SLC44A5: variants seen among roughly 807,000 people sequenced by gnomAD.
The protein encoded by SLC44A5 is choline transporter-like protein 5.
In SLC44A5, 57 loss-of-function variants were observed where a neutral mutation model predicts 101.8. The observed-to-expected ratio is 0.56, with a 90% CI of 0.45 to 0.70. The LOEUF is 0.70. SLC44A5 is among the 30% of genes least tolerant of loss of function. The pLI, the probability that SLC44A5 is intolerant of heterozygous loss-of-function variation, is 0.00. For synonymous variants in SLC44A5, 281 were observed against 290.9 expected, an observed-to-expected ratio of 0.97 and a Z score of 0.35; for missense variants, 737 against 853.1, an observed-to-expected ratio of 0.86 and a Z score of 1.70.
At chr1:75,396,787 C>A in intron 2 of SLC44A5, 166 bp from the exon 3 acceptor site, 1 of 584,250 alleles carries the variant, frequency 1.7e-6, no homozygotes, top group African/African-American at 1.9e-5. Context: ...ACAAAGCTGC[C>A]AATAATGAGC....
In SLC44A5 at chr1:75,526,780, C is replaced by T. The variant is rs7412848; in HGVS notation, c.13+14655G>A. Among the ~76,000 whole-genome samples, 8 of 152,102 alleles carry T rather than the reference C, an allele frequency of 5.3e-5. No homozygotes were observed. The East Asian group carries it at 5.8e-4, about 11-fold the overall frequency. ...CCCACAATTTTCAGAGTAAACAATG[C>T]GCATTCTTCCAAATCTCTACTTAAC... On this transcript the variant is annotated intron_variant, in intron 2 of 23. Coordinates refer to ENST00000370859, the MANE Select transcript of SLC44A5 (RefSeq NM_001130058.2).
chr1:75,523,246 G>T (rs960601188), intron 2 of SLC44A5, among the ~76,000 whole-genome samples: 1 of 152,130 alleles, frequency 6.6e-6, no homozygotes, highest in Non-Finnish European at 1.5e-5. Flanking sequence ...GTAGCATGTG[G>T]ATATGACTCT....
rs1465056144 is a variant in SLC44A5 at position 75,203,833 on chromosome 1, AC to A, written c.2048-1del. ...ACCATCATTTCTTTCTAAATCTTCC[AC>A]TAGGAGGAAGAATGGTACAGAGTAA... On this transcript the variant is annotated splice_acceptor_variant, in intron 23 of 23. Transcript: ENST00000370859. LOFTEE classifies it high-confidence loss of function. The A allele has an allele frequency of 3.2e-6, 5 of 1,548,042 alleles. No individual in the cohort carries two copies. The East Asian group carries it at 1.2e-4, about 38-fold the overall frequency.
intron 4 of SLC44A5, among the ~76,000 whole-genome samples, chr1:75,308,656 C>T (rs556242564): frequency 3.9e-5 from 6 of 152,304 alleles, no homozygotes; most frequent in African/African-American, 1.4e-4. Context: ...AGAGACCTAG[C>T]TCTAGATAGC....
intron 23 of SLC44A5, among the ~76,000 whole-genome samples, chr1:75,209,818 T>C (rs1392017592): frequency 6.6e-6 from 1 of 152,194 alleles, no homozygotes; most frequent in Non-Finnish European, 1.5e-5. Flanking sequence ...TGTTCAGTAA[T>C]GGCCTGTCAG....
At chr1:75,431,422 T>C (rs915828354) in intron 2 of SLC44A5, among the ~76,000 whole-genome samples, 23 of 152,188 alleles carry the variant, frequency 1.5e-4, no homozygotes, top group African/African-American at 5.5e-4. Context: ...ATTGATTGGG[T>C]TACACTACTT....
intron 6 of SLC44A5, among the ~76,000 whole-genome samples, chr1:75,257,862 G>A (rs1261530125): frequency 1.3e-5 from 2 of 152,114 alleles, no homozygotes; most frequent in Non-Finnish European, 2.9e-5. Flanking sequence ...GTACATCTCA[G>A]TGGGACTAGT....
At chr1:75,569,795 A>G (rs1180728432) in intron 1 of SLC44A5, among the ~76,000 whole-genome samples, 1 of 152,214 alleles carries the variant, frequency 6.6e-6, no homozygotes, top group African/African-American at 2.4e-5. Context: ...AATTTAACCC[A>G]TGGTATCTCC....
At chr1:75,392,418 A>G (rs1661852699) in intron 3 of SLC44A5, among the ~76,000 whole-genome samples, 1 of 152,226 alleles carries the variant, frequency 6.6e-6, no homozygotes, top group African/African-American at 2.4e-5. Context: ...CACATCATGC[A>G]TCATCAGAGA....
At chr1:75,543,929 G>A (rs933470209) in intron 1 of SLC44A5, among the ~76,000 whole-genome samples, 1 of 151,976 alleles carries the variant, frequency 6.6e-6, no homozygotes, top group Non-Finnish European at 1.5e-5. Context: ...TCAAGCCAAA[G>A]ATAACATCTT....
intron 3 of SLC44A5, among the ~76,000 whole-genome samples, chr1:75,378,984 A>G: frequency 1.2e-5 from 1 of 80,168 alleles, no homozygotes; most frequent in African/African-American, 8.6e-5. Flanking sequence ...CAGGGTAGTG[A>G]ATTACATGAA....
intron 2 of SLC44A5, among the ~76,000 whole-genome samples, chr1:75,414,891 A>C (rs1663538002): frequency 6.6e-6 from 1 of 152,352 alleles, no homozygotes. Context: ...CTTGTAGGCT[A>C]GAATTTTTAT....
chr1:75,335,403 TCCTC>T (rs71738581), intron 4 of SLC44A5, among the ~76,000 whole-genome samples: 1,599 of 152,294 alleles, frequency 0.01, 32 homozygotes, highest in African/African-American at 0.037. Context: ...ACCAGTTCAT[TCCTC>T]CCTGTAGGCA....
At chr1:75,293,691 G>T (rs1165532055) in intron 5 of SLC44A5, among the ~76,000 whole-genome samples, 1 of 152,148 alleles carries the variant, frequency 6.6e-6, no homozygotes, top group African/African-American at 2.4e-5. Flanking sequence ...TAAGAAAAAT[G>T]TTGTTTGTCA....
the SLC44A5 span, among the ~76,000 whole-genome samples, chr1:75,672,340 C>T: frequency 6.6e-6 from 1 of 152,122 alleles, no homozygotes; most frequent in African/African-American, 2.4e-5. Context: ...TTCAGTGCCG[C>T]ACTGTCACAG....
chr1:75,697,916 C>T, the SLC44A5 span, among the ~76,000 whole-genome samples: 3 of 152,234 alleles, frequency 2.0e-5, no homozygotes, highest in South Asian at 2.1e-4. Context: ...AATCGGGTCA[C>T]TCCCAACCGA....
the SLC44A5 span, among the ~76,000 whole-genome samples, chr1:75,679,882 G>C: frequency 6.6e-6 from 1 of 152,138 alleles, no homozygotes; most frequent in Non-Finnish European, 1.5e-5. Context: ...CACGTGCAGA[G>C]ACACATATAG....
At chr1:75,339,748 A>T (rs188662257) in intron 3 of SLC44A5, 118 bp from the exon 4 acceptor site, 49 of 798,624 alleles carry the variant, frequency 6.1e-5, no homozygotes, top group Middle Eastern at 7.1e-4. Context: ...TGATGAATTC[A>T]TACTTTGGTT....
chr1:75,383,713 G>C (rs1661079873), intron 3 of SLC44A5, among the ~76,000 whole-genome samples: 2 of 152,112 alleles, frequency 1.3e-5, no homozygotes, highest in South Asian at 4.2e-4. Context: ...GAACGCCACA[G>C]AGATACTCCT....
Sources: allele counts gnomAD v4.1 joint callset (sites outside exome capture counted in the v4.1 genomes callset), GRCh38; gene constraint gnomAD v4.1.1; transcripts MANE v1.5; gene names NCBI Gene and HGNC (gene_info 2026-07-23, HGNC 2026-07-21).